Variants in CD38 observed in about 807,000 individuals in gnomAD.
CD38 encodes the protein CD38 molecule.
Under a neutral mutation model 36.3 loss-of-function variants are expected in CD38, and 31 were observed. The observed-to-expected ratio is 0.85, with a 90% CI of 0.64 to 1.15. The LOEUF (loss-of-function observed/expected upper bound fraction) is 1.15. Ranked by LOEUF, CD38 falls within the 50% of genes most tolerant of loss-of-function variation. The pLI is 0.00. For missense variants in CD38, 380 were observed against 371.9 expected (o/e 1.02, Z -0.18); for synonymous variants, 131 against 135.2 (o/e 0.97, Z 0.22).
chr4:15,783,686 G>A (rs534302206), intron 1 of CD38, among the ~76,000 whole-genome samples: 11 of 152,300 alleles, frequency 7.2e-5, no homozygotes, highest in East Asian at 1.9e-4. Flanking sequence ...TCTTTCATCT[G>A]TCTTACCTTA....
chr4:15,795,597 C>A (rs1723089549), intron 1 of CD38, among the ~76,000 whole-genome samples: 1 of 151,828 alleles, frequency 6.6e-6, no homozygotes, highest in Non-Finnish European at 1.5e-5. Flanking sequence ...AGCGGAGAAA[C>A]CCACGATTTA....
At chr4:15,825,793 T>C (rs1723833605) in intron 3 of CD38, 1 of 152,178 alleles carries the variant, frequency 6.6e-6, no homozygotes, top group Non-Finnish European at 1.5e-5. Context: ...AGGTTCTTGC[T>C]CTTCAGAATC....
chr4:15,790,642 C>G (rs1722953022), intron 1 of CD38, among the ~76,000 whole-genome samples: 1 of 151,290 alleles, frequency 6.6e-6, no homozygotes, highest in Non-Finnish European at 1.5e-5. Flanking sequence ...CCCCCATCGT[C>G]TGGGATATGA....
chr4:15,840,703 C>T (rs1724188331), intron 7 of CD38, among the ~76,000 whole-genome samples, 165 bp downstream of exon 7: 1 of 152,136 alleles, frequency 6.6e-6, no homozygotes, highest in African/African-American at 2.4e-5. Flanking sequence ...CCTTCCAAGC[C>T]GAGTCCAGAA....
At chr4:15,815,390 CTATCTA>C (rs1723574126) in intron 1 of CD38, among the ~76,000 whole-genome samples, 1 of 152,074 alleles carries the variant, frequency 6.6e-6, no homozygotes, top group Admixed American at 6.5e-5. Context: ...TTTATTCTTC[CTATCTA>C]TGAGCATGGA....
At chr4:15,813,618 G>A (rs1723520382) in intron 1 of CD38, among the ~76,000 whole-genome samples, 1 of 152,002 alleles carries the variant, frequency 6.6e-6, no homozygotes, top group Non-Finnish European at 1.5e-5. Context: ...CCGCCGACAG[G>A]CCCCGGTGTG....
At chr4:15,817,309 T>G (rs568425134) in intron 2 of CD38, among the ~76,000 whole-genome samples, 1 of 152,360 alleles carries the variant, frequency 6.6e-6, no homozygotes, top group African/African-American at 2.4e-5. Context: ...GTGCACCTTT[T>G]CTATAGCCAA....
At chr4:15,781,344 G>A (rs1311553086) in intron 1 of CD38, among the ~76,000 whole-genome samples, 1 of 152,180 alleles carries the variant, frequency 6.6e-6, no homozygotes, top group Non-Finnish European at 1.5e-5. Context: ...TCTCCTGCCT[G>A]TCACACATTC....
chr4:15,808,038 G>C (rs1392429288), intron 1 of CD38, among the ~76,000 whole-genome samples: 1 of 152,162 alleles, frequency 6.6e-6, no homozygotes, highest in African/African-American at 2.4e-5. Context: ...GACCAGTGGG[G>C]CTTTGCAGGT....
intron 1 of CD38, among the ~76,000 whole-genome samples, chr4:15,812,818 C>A (rs549617973): frequency 6.6e-6 from 1 of 152,234 alleles, no homozygotes; most frequent in Admixed American, 6.5e-5. Flanking sequence ...ATGTTCCAGT[C>A]CTGTAATTCT....
chr4:15,779,893 T>C (rs188499251), intron 1 of CD38, among the ~76,000 whole-genome samples: 6 of 152,304 alleles, frequency 3.9e-5, no homozygotes, highest in Non-Finnish European at 8.8e-5. Flanking sequence ...TAGTATTTCA[T>C]AAACTAGATG....
chr4:15,803,265 G>C, intron 1 of CD38, among the ~76,000 whole-genome samples: 1 of 152,082 alleles, frequency 6.6e-6, no homozygotes, highest in African/African-American at 2.4e-5. Flanking sequence ...GTCAACAAAG[G>C]CAAAAATAGA....
intron 5 of CD38, 112 bp from the exon 6 acceptor site, chr4:15,839,914 A>G: frequency 1.4e-6 from 1 of 734,056 alleles, no homozygotes. Context: ...TGATGTGTCA[A>G]CTCTAAAGGA....
intron 1 of CD38, among the ~76,000 whole-genome samples, chr4:15,790,785 G>C (rs555848338): frequency 5.3e-5 from 8 of 150,214 alleles, no homozygotes; most frequent in South Asian, 2.1e-4. Context: ...GTCTCTGCCC[G>C]GCCGCCCATC....
chr4:15,798,747 T>C (rs1723153079), intron 1 of CD38, among the ~76,000 whole-genome samples: 1 of 152,242 alleles, frequency 6.6e-6, no homozygotes, highest in African/African-American at 2.4e-5. Flanking sequence ...CATTCGGAAT[T>C]CTCAAATTTA....
rs187264807 is a variant in CD38 at position 15,787,316 on chromosome 4, T to C, written c.233+8669T>C. Among the ~76,000 whole-genome samples, 579 of 152,368 alleles carry C rather than the reference T, an allele frequency of 3.8e-3. 2 individuals are homozygous for C. Among genetic ancestry groups the C allele is most frequent in the South Asian group, 6.0e-3 (29 of 4,826 alleles). On this transcript the variant is annotated intron_variant, in intron 1 of 7. Transcript: ENST00000226279. ...GATTAAGTAATTTGGTGATATTCTA[T>C]AGTCACTCTGGCTATGTAATTTATG...
At position 15,834,199 on chromosome 4, in the gene CD38, A is replaced by T; in HGVS notation, c.500-18A>T. 6.6e-7 allele frequency: 1 copy of T among 1,522,396 alleles called. No homozygotes were observed. Among genetic ancestry groups the T allele is most frequent in the Non-Finnish European group, 9.1e-7 (1 of 1,096,556 alleles). The allele number at this position is 1,522,396 out of a possible 1,614,324, so 94.3% of individuals were successfully genotyped here. On this transcript the variant is annotated intron_variant, in intron 3 of 7. Transcript: ENST00000226279. ...CTCTCTGTTTTCCACTTTATTTTCT[A>T]CAAACTATGTCTTTTAGAAATAAAC...
chr4:15,791,811 G>GC (rs572643719), intron 1 of CD38, among the ~76,000 whole-genome samples: 17,343 of 82,126 alleles, frequency 0.21, 4,534 homozygotes, highest in South Asian at 0.3. Context: ...GGGAGGGTCA[G>GC]CCCCCCGCCC....
intron 1 of CD38, among the ~76,000 whole-genome samples, chr4:15,796,476 A>AT (rs1193153560): frequency 1.3e-5 from 2 of 152,104 alleles, no homozygotes; most frequent in Non-Finnish European, 2.9e-5. Context: ...AATTATTAAC[A>AT]TTTTAAATAC....
Sources: gnomAD v4.1 joint callset for allele counts (sites outside exome capture counted in the v4.1 genomes callset) on GRCh38, gnomAD v4.1.1 for gene constraint, MANE v1.5 for transcripts, NCBI Gene and HGNC (gene_info 2026-07-23, HGNC 2026-07-21) for gene names.